Variants in GABRG3 observed in about 807,000 individuals in gnomAD.
GABRG3 encodes the protein gamma-aminobutyric acid receptor subunit gamma-3.
GABRG3 carries 25 observed loss-of-function variants against 48.8 expected under a neutral mutation model. That is an observed-to-expected ratio of 0.51 (90% confidence interval 0.37 to 0.72). GABRG3 has a LOEUF of 0.72. Ranked by LOEUF, GABRG3 falls within the 30% of genes least tolerant of loss-of-function variation. The probability of loss-of-function intolerance (pLI) is 0.00; values close to 1 mark genes in which losing one functional copy is unlikely to be tolerated. For missense variants in GABRG3, 394 were observed against 577.9 expected, an observed-to-expected ratio of 0.68 and a Z score of 3.26; for synonymous variants, 227 against 217.6, an observed-to-expected ratio of 1.04 and a Z score of -0.38.
chr15:27,003,996 C>A (rs1411893825), intron 2 of GABRG3, among the ~76,000 whole-genome samples: 3 of 149,082 alleles, frequency 2.0e-5, no homozygotes, highest in African/African-American at 7.4e-5. Context: ...CCCCCACCTC[C>A]CTCCCGGACG....
At chr15:27,148,084 AAG>A (rs1369980997) in intron 3 of GABRG3, among the ~76,000 whole-genome samples, 2 of 151,984 alleles carry the variant, frequency 1.3e-5, no homozygotes, top group African/African-American at 4.8e-5. Context: ...TCAAGAGAAA[AAG>A]AGTAGACGCA....
At chr15:27,064,397 C>T (rs1566924983) in intron 3 of GABRG3, among the ~76,000 whole-genome samples, 1 of 152,132 alleles carries the variant, frequency 6.6e-6, no homozygotes, top group Non-Finnish European at 1.5e-5. Flanking sequence ...CTTGGTGCAG[C>T]GTTTCTGACC....
intron 3 of GABRG3, among the ~76,000 whole-genome samples, chr15:27,031,860 G>A: frequency 6.6e-6 from 1 of 152,206 alleles, no homozygotes; most frequent in East Asian, 1.9e-4. Context: ...TTTAAAATAA[G>A]TGACAGCTGA....
intron 6 of GABRG3, chr15:27,482,945 G>C (rs1272925312): frequency 6.6e-6 from 1 of 152,206 alleles, no homozygotes. Flanking sequence ...GCCCTAAACA[G>C]CTGCATTTAT....
intron 3 of GABRG3, among the ~76,000 whole-genome samples, chr15:27,148,678 T>G (rs1898255304): frequency 6.6e-6 from 1 of 151,934 alleles, no homozygotes; most frequent in Non-Finnish European, 1.5e-5. Flanking sequence ...ATCTAAAAAA[T>G]GCAAGGATGG....
At chr15:27,076,495 TTTGTATTTTTAGTAGAGA>T (rs944868416) in intron 3 of GABRG3, among the ~76,000 whole-genome samples, 1 of 151,928 alleles carries the variant, frequency 6.6e-6, no homozygotes, top group African/African-American at 2.4e-5. Context: ...ATCTAATTTT[TTTGTATTTTTAGTAGAGA>T]TGGGGTTTCA....
chr15:27,014,561 G>A (rs1276750455), intron 2 of GABRG3, among the ~76,000 whole-genome samples: 2 of 151,982 alleles, frequency 1.3e-5, no homozygotes, highest in African/African-American at 4.8e-5. Context: ...GGTTGTTTAA[G>A]AGTAAATTAT....
rs58222645 is a variant in GABRG3, at chr15:27,518,195, C to CAAAAAAAAAAAAAAAAA, written c.713-1772_713-1756dup. On this transcript the variant is annotated intron_variant, in intron 6 of 9. Transcript: ENST00000615808. ...TGAAACCCCAACTCTACTAAAAATACAAAAAAAAAAAAAAAAAAAAAGAAT... is the reference window on the plus strand; with the variant it reads ...TGAAACCCCAACTCTACTAAAAATACAAAAAAAAAAAAAAAAAAAAAAAAAAAAAAAAAAAAAAGAAT... 1.4e-3 allele frequency among the ~76,000 whole-genome samples: 120 copies of CAAAAAAAAAAAAAAAAA among 88,016 alleles called. 4 individuals carry two copies. Among genetic ancestry groups the CAAAAAAAAAAAAAAAAA allele is most frequent in the African/African-American group, 4.8e-3 (113 of 23,454 alleles). 57.7% of individuals were successfully genotyped at this position (88,016 alleles called of 152,430 possible). A position where few individuals can be genotyped will look rare whatever the true frequency, so the allele number is the denominator to read the frequency against.
intron 5 of GABRG3, among the ~76,000 whole-genome samples, chr15:27,366,551 G>A (rs554827216): frequency 1.3e-5 from 2 of 152,150 alleles, no homozygotes; most frequent in African/African-American, 4.8e-5. Context: ...GGTCTTTTGA[G>A]GCTCTCCTCC....
At chr15:27,387,306 T>C (rs1885388981) in intron 5 of GABRG3, among the ~76,000 whole-genome samples, 2 of 152,252 alleles carry the variant, frequency 1.3e-5, no homozygotes, top group Admixed American at 1.3e-4. Flanking sequence ...ACATTTTGAG[T>C]ATGAAATTAT....
intron 3 of GABRG3, among the ~76,000 whole-genome samples, chr15:27,103,673 G>A (rs190230047): frequency 6.6e-6 from 1 of 152,138 alleles, no homozygotes; most frequent in Non-Finnish European, 1.5e-5. Context: ...ACAATACAAC[G>A]GCCTATTAAA....
chr15:27,397,929 C>CT (rs532653841), intron 5 of GABRG3, among the ~76,000 whole-genome samples: 1 of 151,896 alleles, frequency 6.6e-6, no homozygotes, highest in South Asian at 2.1e-4. Context: ...CTCAGCCTCC[C>CT]GAGTAGCTGG....
intron 3 of GABRG3, among the ~76,000 whole-genome samples, chr15:27,067,330 A>G (rs1266247843): frequency 2.0e-5 from 3 of 152,090 alleles, no homozygotes; most frequent in African/African-American, 4.8e-5. Context: ...TAGGTGTTAC[A>G]TGGACTTTGC....
intron 3 of GABRG3, among the ~76,000 whole-genome samples, chr15:27,259,989 C>T (rs6606891): frequency 0.5 from 76,471 of 152,094 alleles, 22,277 homozygotes; most frequent in Non-Finnish European, 0.67. Flanking sequence ...CTGGATGTTG[C>T]AAGACAAAGG....
chr15:27,186,331 G>T (rs1453409260), intron 3 of GABRG3, among the ~76,000 whole-genome samples: 1 of 151,912 alleles, frequency 6.6e-6, no homozygotes, highest in African/African-American at 2.4e-5. Flanking sequence ...GTTGTTCAAG[G>T]GACATGACTT....
Position 27,520,125 on chromosome 15 carries a change from G to T in GABRG3, c.865+1G>T. 6.3e-7 allele frequency: 1 copy of T among 1,590,436 alleles called. No individual in the cohort carries two copies. On this transcript the variant is annotated splice_donor_variant, in intron 7 of 9. Coordinates refer to ENST00000615808, the MANE Select transcript of GABRG3 (RefSeq NM_033223.5). LOFTEE classifies it high-confidence loss of function. Reference sequence around the variant, plus strand: ...GCTACGCCAGCAAGAACAGCATTAGGTGAGTTTCAAAAAATCTCTTCCACA... The same window carrying T: ...GCTACGCCAGCAAGAACAGCATTAGTTGAGTTTCAAAAAATCTCTTCCACA...
intron 3 of GABRG3, among the ~76,000 whole-genome samples, chr15:27,146,182 C>T (rs975263021): frequency 7.2e-5 from 11 of 152,162 alleles, no homozygotes; most frequent in East Asian, 3.8e-4. Flanking sequence ...CTGCCAGGCA[C>T]GGTGGCTCAA....
At chr15:27,181,118 T>C (rs1315167520) in intron 3 of GABRG3, among the ~76,000 whole-genome samples, 4 of 152,144 alleles carry the variant, frequency 2.6e-5, no homozygotes, top group Admixed American at 1.3e-4. Context: ...GCTGGAGGCA[T>C]TGAATGCAGG....
intron 6 of GABRG3, among the ~76,000 whole-genome samples, chr15:27,491,940 T>C (rs1197093509): frequency 6.6e-6 from 1 of 152,206 alleles, no homozygotes; most frequent in Non-Finnish European, 1.5e-5. Context: ...ATTTACAGAA[T>C]TAATTTTTTA....
Sources: allele counts gnomAD v4.1 joint callset (sites outside exome capture counted in the v4.1 genomes callset), GRCh38; gene constraint gnomAD v4.1.1; transcripts MANE v1.5; gene names NCBI Gene and HGNC (gene_info 2026-07-23, HGNC 2026-07-21).